The following TMEM132B variants were observed in gnomAD, a reference collection of about 807,000 sequenced individuals.
The protein encoded by TMEM132B is transmembrane protein 132B.
In TMEM132B, 18 loss-of-function variants were observed where a neutral mutation model predicts 90.8. That is an observed-to-expected ratio of 0.20 (90% CI 0.14 to 0.29). The LOEUF (loss-of-function observed/expected upper bound fraction) is 0.29. Ranked by LOEUF, TMEM132B falls within the 10% of genes least tolerant of loss-of-function variation. The pLI is 1.00. For missense variants in TMEM132B, 1,096 were observed against 1,326.8 expected (o/e 0.83, Z 2.70); for synonymous variants, 504 against 523.3 (o/e 0.96, Z 0.50).
At chr12:125,310,298 T>C (rs73233359) in intron 1 of TMEM132B, among the ~76,000 whole-genome samples, 12,843 of 152,194 alleles carry the variant, frequency 0.084, 612 homozygotes, top group Non-Finnish European at 0.1. Flanking sequence ...GATCTCCTGG[T>C]GGGCAGTGGC....
At chr12:125,489,703 T>G (rs1882298916) in intron 3 of TMEM132B, among the ~76,000 whole-genome samples, 1 of 152,254 alleles carries the variant, frequency 6.6e-6, no homozygotes, top group Non-Finnish European at 1.5e-5. Flanking sequence ...TGATCCGCCA[T>G]GCCAGGCCAT....
chr12:125,262,008 T>C (rs1383504832), intron 1 of TMEM132B, among the ~76,000 whole-genome samples: 2 of 152,158 alleles, frequency 1.3e-5, no homozygotes, highest in Admixed American at 1.3e-4. Context: ...ATATTTATTT[T>C]AATATGAGTC....
chr12:125,451,404 A>G (rs1169559305), intron 3 of TMEM132B, among the ~76,000 whole-genome samples: 1 of 152,180 alleles, frequency 6.6e-6, no homozygotes, highest in Non-Finnish European at 1.5e-5. Flanking sequence ...AGAGACAGAG[A>G]ATGAAGAGAG....
intron 3 of TMEM132B, among the ~76,000 whole-genome samples, chr12:125,434,987 T>G (rs1248372785): frequency 6.6e-6 from 1 of 152,170 alleles, no homozygotes; most frequent in African/African-American, 2.4e-5. Context: ...TTACTAAGCG[T>G]TTGGGGAAAC....
chr12:125,418,034 C>T (rs190275342), intron 3 of TMEM132B, among the ~76,000 whole-genome samples: 20 of 152,246 alleles, frequency 1.3e-4, no homozygotes, highest in African/African-American at 4.6e-4. Flanking sequence ...AGTCTCATGC[C>T]TCCTGCTGTT....
chr12:125,237,655 G>T (rs1410727538), intron 1 of TMEM132B, among the ~76,000 whole-genome samples: 1 of 152,068 alleles, frequency 6.6e-6, no homozygotes, highest in Non-Finnish European at 1.5e-5. Flanking sequence ...CACCGTGTTG[G>T]CTAGGCTTGT....
At chr12:125,326,773 G>C in intron 1 of TMEM132B, 1 of 1,280,580 alleles carries the variant, frequency 7.8e-7, no homozygotes, top group Non-Finnish European at 1.1e-6. Flanking sequence ...TCCCTTTGCA[G>C]CAAACTTCTT....
intron 3 of TMEM132B, among the ~76,000 whole-genome samples, chr12:125,518,584 T>G (rs902577415): frequency 2.6e-5 from 4 of 152,222 alleles, no homozygotes; most frequent in African/African-American, 9.6e-5. Flanking sequence ...CTGCATGGCT[T>G]TCTGTTTTAA....
Position 125,223,974 on chromosome 12 carries a change from G to A in TMEM132B, c.67+37108G>A, listed in dbSNP as rs184965090. On this transcript the variant is annotated intron_variant, in intron 1 of 8. Coordinates refer to ENST00000682704, the MANE Select transcript of TMEM132B (RefSeq NM_001366854.1). The stretch of plus-strand genomic sequence containing the variant: ...GTATTTTTAGTAGAGAAGGGGTTTC[G>A]CCATGTTGGCCAGGCTGGTCTGGAA... 1.7e-3 allele frequency among the ~76,000 whole-genome samples: 258 copies of A among 152,066 alleles called. 4 individuals carry two copies. The South Asian group carries it at 0.021, about 12-fold the overall frequency.
chr12:125,495,167 G>A (rs1480788694), intron 3 of TMEM132B, among the ~76,000 whole-genome samples: 2 of 97,874 alleles, frequency 2.0e-5, no homozygotes, highest in African/African-American at 8.4e-5. Context: ...GAAAATGGCC[G>A]CGTCCCTCTT....
intron 1 of TMEM132B, among the ~76,000 whole-genome samples, chr12:125,329,007 G>A (rs953494618): frequency 2.0e-5 from 3 of 152,084 alleles, no homozygotes; most frequent in Non-Finnish European, 4.4e-5. Context: ...CTGAATGTTC[G>A]CATTCTCCCC....
At chr12:125,347,016 C>T (rs942722303) in intron 1 of TMEM132B, among the ~76,000 whole-genome samples, 1 of 152,154 alleles carries the variant, frequency 6.6e-6, no homozygotes, top group Non-Finnish European at 1.5e-5. Context: ...ATCATGCTTG[C>T]GATAAACATA....
At chr12:125,522,755 T>C (rs1331403884) in intron 4 of TMEM132B, among the ~76,000 whole-genome samples, 1 of 152,226 alleles carries the variant, frequency 6.6e-6, no homozygotes, top group Non-Finnish European at 1.5e-5. Context: ...GGTCTGTGCA[T>C]GGCAGGAGCT....
chr12:125,432,649 CT>C (rs1880576664), intron 3 of TMEM132B, among the ~76,000 whole-genome samples: 1 of 150,292 alleles, frequency 6.7e-6, no homozygotes, highest in Admixed American at 6.6e-5. Context: ...ATGAGCATTA[CT>C]TTTGCTGGTT....
rs146843229 is a variant in TMEM132B at position 125,434,998 on chromosome 12, C to T, written c.1106+19321C>T. On this transcript the variant is annotated intron_variant, in intron 3 of 8. Transcript: ENST00000682704. ...TCTCTTACTAAGCGTTTGGGGAAAC[C>T]CTCGGGAAAATCCCCTTTGTGGGGG... Among the ~76,000 whole-genome samples, 13 of 152,298 alleles carry T rather than the reference C, an allele frequency of 8.5e-5. No homozygotes were observed. The East Asian group carries it at 2.5e-3, about 29-fold the overall frequency.
At chr12:125,355,722 G>A (rs1337898729) in intron 2 of TMEM132B, among the ~76,000 whole-genome samples, 1 of 152,098 alleles carries the variant, frequency 6.6e-6, no homozygotes, top group Non-Finnish European at 1.5e-5. Flanking sequence ...ATTTCATTCT[G>A]GCTTAGGTGA....
intron 5 of TMEM132B, among the ~76,000 whole-genome samples, chr12:125,613,848 C>T (rs534480451): frequency 6.6e-6 from 1 of 152,150 alleles, no homozygotes; most frequent in South Asian, 2.1e-4. Context: ...TTAACTTCCT[C>T]AGGTACCATT....
intron 1 of TMEM132B, among the ~76,000 whole-genome samples, chr12:125,261,245 A>C (rs923465067): frequency 2.0e-5 from 3 of 152,166 alleles, no homozygotes; most frequent in African/African-American, 4.8e-5. Context: ...AAATGATGTA[A>C]GGGCACATAC....
chr12:125,220,346 G>A (rs1309079445), intron 1 of TMEM132B, among the ~76,000 whole-genome samples: 2 of 152,204 alleles, frequency 1.3e-5, no homozygotes, highest in Non-Finnish European at 2.9e-5. Context: ...AACCAGGGGC[G>A]ACCCAGCCTC....
Sources: allele counts gnomAD v4.1 joint callset (sites outside exome capture counted in the v4.1 genomes callset), GRCh38; gene constraint gnomAD v4.1.1; transcripts MANE v1.5; gene names NCBI Gene and HGNC (gene_info 2026-07-23, HGNC 2026-07-21).